Variants in PRDM16 observed in about 807,000 individuals in gnomAD.
PRDM16 encodes histone-lysine N-methyltransferase PRDM16.
In PRDM16, 23 loss-of-function variants were observed where a neutral mutation model predicts 110.6. The observed-to-expected ratio is 0.21, with a 90% CI of 0.15 to 0.29. The LOEUF (loss-of-function observed/expected upper bound fraction) is 0.29. Among genes scored for constraint, PRDM16 ranks in the 10% least tolerant of loss-of-function variants. The probability of loss-of-function intolerance (pLI) is 1.00; values close to 1 mark genes in which losing one functional copy is unlikely to be tolerated. For missense variants in PRDM16, 1,615 were observed against 1,794.3 expected (o/e 0.90, Z 1.81); for synonymous variants, 799 against 781.8 (o/e 1.02, Z -0.37).
chr1:3,072,222 G>C (rs1425818036), intron 1 of PRDM16, among the ~76,000 whole-genome samples: 1 of 152,188 alleles, frequency 6.6e-6, no homozygotes, highest in African/African-American at 2.4e-5. Context: ...AAAGCTTATT[G>C]TTTCCAGGGC....
rs554655161 is a variant in PRDM16 at position 3,244,262 on chromosome 1, G to A, written c.438+125G>A. The stretch of plus-strand genomic sequence containing the variant: ...AGTCGGAATGTTGCTGGCAGGCCCC[G>A]AGCAATGTGTTATCTGTGGACTGAC... On this transcript the variant is annotated intron_variant, in intron 3 of 16. Coordinates refer to ENST00000270722, the MANE Select transcript of PRDM16 (RefSeq NM_022114.4). This position sits in a 1 kb window ranked among gnomAD's most constrained non-coding sequence, Gnocchi z 4.1. The A allele has an allele frequency of 1.6e-5, 14 of 863,904 alleles. 1 individual carries two copies. Among genetic ancestry groups the A allele is most frequent in the Admixed American group, 9.9e-5 (5 of 50,382 alleles). The allele number at this position is 863,904 out of a possible 1,614,324, so 53.5% of individuals were successfully genotyped here.
intron 7 of PRDM16, 118 bp downstream of exon 7, chr1:3,405,004 G>A: frequency 8.7e-7 from 1 of 1,152,070 alleles, no homozygotes; most frequent in Non-Finnish European, 1.2e-6. Flanking sequence ...GGCAGAGTGG[G>A]TAGGAGGCCC....
chr1:3,184,000 C>A (rs200152804), intron 1 of PRDM16, among the ~76,000 whole-genome samples: 41 of 152,272 alleles, frequency 2.7e-4, no homozygotes, highest in Middle Eastern at 3.4e-3. Flanking sequence ...AATTACCACC[C>A]CCCCCAATGT....
In PRDM16 at chr1:3,404,765, C is replaced by T. The variant is rs377547823; in HGVS notation, c.911C>T (p.Thr304Met). The change falls in exon 7 of 17, where the codon ACG (threonine) becomes ATG (methionine). Residue 304 changes from threonine to methionine, a missense_variant. This residue lies in a region of PRDM16 where 416 missense variants were observed against 467.1 expected (regional missense o/e 0.89). Coordinates refer to ENST00000270722, the MANE Select transcript of PRDM16 (RefSeq NM_022114.4). ...YSLEQHMVIH[T>M]EEREYKCDQC... ...CTGGAGCAGCACATGGTCATCCACA[C>T]GGAGGAGCGCGAGTACAAATGCGAC... The T allele has an allele frequency of 1.3e-5, 21 of 1,613,414 alleles. No individual in the cohort carries two copies. The highest frequency in any genetic ancestry group is 1.6e-5 in the Non-Finnish European group (19 of 1,179,974).
At chr1:3,261,369 G>A (rs1640161194) in intron 3 of PRDM16, among the ~76,000 whole-genome samples, 4 of 152,126 alleles carry the variant, frequency 2.6e-5, no homozygotes, top group Admixed American at 2.0e-4. Flanking sequence ...TGTCCTTGGG[G>A]CGAGATGACT....
chr1:3,366,304 T>G (rs1642814564), intron 3 of PRDM16, among the ~76,000 whole-genome samples: 2 of 152,210 alleles, frequency 1.3e-5, no homozygotes. Context: ...GCAGCAGGAC[T>G]CCGGGACGCG....
chr1:3,251,449 TGTGGGAACGAGGGACCAGTCAGGGTG>T (rs1373883117), intron 3 of PRDM16, among the ~76,000 whole-genome samples: 2 of 152,004 alleles, frequency 1.3e-5, no homozygotes, highest in South Asian at 4.1e-4. Context: ...CTTTACTAGG[TGTGGGAACGAGGGACCAGTCAGGGTG>T]GTGGGAACCC....
At chr1:3,186,833 A>G (rs1006755997) in intron 2 of PRDM16, among the ~76,000 whole-genome samples, 26 of 152,080 alleles carry the variant, frequency 1.7e-4, no homozygotes, top group African/African-American at 5.6e-4. Context: ...AGGCAGCTGC[A>G]CTCCAGGGCT....
At position 3,265,792 on chromosome 1, in the gene PRDM16, C is replaced by T. The variant is rs1005503065; in HGVS notation, c.438+21655C>T. On this transcript the variant is annotated intron_variant, in intron 3 of 16. Transcript: ENST00000270722. The surrounding 1 kb of genome is among the most constrained non-coding windows in gnomAD (Gnocchi z 4.5). ...GCTGGCACCTCACGCTCTGTCCTCACCGCCCAGACCCTAGGAGCCCCCAGA... is the reference window on the plus strand; with the variant it reads ...GCTGGCACCTCACGCTCTGTCCTCATCGCCCAGACCCTAGGAGCCCCCAGA... Among the ~76,000 whole-genome samples, 6 of 152,160 alleles carry T rather than the reference C, an allele frequency of 3.9e-5. No individual in the cohort carries two copies. The highest frequency in any genetic ancestry group is 5.9e-5 in the Non-Finnish European group (4 of 68,002).
Position 3,319,926 on chromosome 1 carries a change from C to G in PRDM16, c.439-65226C>G, listed in dbSNP as rs144913631. Among the ~76,000 whole-genome samples the G allele has an allele frequency of 2.0e-5, 3 of 152,338 alleles. No individual in the cohort carries two copies. The East Asian group carries it at 5.8e-4, about 29-fold the overall frequency. On this transcript the variant is annotated intron_variant, in intron 3 of 16. Transcript: ENST00000270722. ...GTTGGGCAAATTGGCCTTCCAGCCTCTGGGGCTCACAGCTGTGTCCCAGGG... is the reference window on the plus strand; with the variant it reads ...GTTGGGCAAATTGGCCTTCCAGCCTGTGGGGCTCACAGCTGTGTCCCAGGG...
At chr1:3,187,984 C>T (rs527443398) in intron 2 of PRDM16, among the ~76,000 whole-genome samples, 8 of 152,122 alleles carry the variant, frequency 5.3e-5, no homozygotes, top group African/African-American at 1.2e-4. Context: ...GGCCCAAGGT[C>T]GGGTCACCTT....
rs753949982 is a variant in PRDM16, at chr1:3,412,728, C to T, written c.2531C>T (p.Pro844Leu). Residue 844 changes from proline (P) to leucine (L), a missense_variant, in exon 9 of 17, where the codon CCG (proline) becomes CTG (leucine). By Grantham distance (98) the Pro-to-Leu change is moderately conservative. This residue lies in a region of PRDM16 where 772 missense variants were observed against 748.3 expected (regional missense o/e 1.03). Transcript: ENST00000270722. ...GAGEGLPQVCPARMPQQPPLH... is the reference protein window; with the variant it reads ...GAGEGLPQVCLARMPQQPPLH... Reference sequence around the variant, plus strand: ...GGCGAGGGGCTGCCCCAGGTGTGCCCGGCGCGGATGCCCCAGCAGCCCCCG... The same window carrying T: ...GGCGAGGGGCTGCCCCAGGTGTGCCTGGCGCGGATGCCCCAGCAGCCCCCG... The T allele has an allele frequency of 3.8e-5, 58 of 1,506,648 alleles. 1 individual carries two copies. The highest frequency in any genetic ancestry group is 9.1e-5 in the South Asian group (7 of 77,272). The allele number at this position is 1,506,648 out of a possible 1,614,324, so 93.3% of individuals were successfully genotyped here.
At chr1:3,238,659 C>A (rs542177164) in intron 2 of PRDM16, among the ~76,000 whole-genome samples, 4 of 152,330 alleles carry the variant, frequency 2.6e-5, no homozygotes, top group African/African-American at 9.6e-5. Context: ...GAGCTGCCAA[C>A]GGGAAGCCGC....
chr1:3,375,865 A>G (rs1176520231), intron 3 of PRDM16, among the ~76,000 whole-genome samples: 1 of 152,246 alleles, frequency 6.6e-6, no homozygotes, highest in Non-Finnish European at 1.5e-5. Context: ...CCCTGCCCAA[A>G]GAATAAAGAA....
intron 3 of PRDM16, among the ~76,000 whole-genome samples, chr1:3,355,829 G>A (rs960554748): frequency 6.6e-6 from 1 of 152,186 alleles, no homozygotes; most frequent in Non-Finnish European, 1.5e-5. Context: ...TGGCTCAGAG[G>A]CCAGTCCTGC....
intron 1 of PRDM16, among the ~76,000 whole-genome samples, chr1:3,150,081 A>G (rs1454144485): frequency 6.6e-6 from 1 of 152,218 alleles, no homozygotes; most frequent in East Asian, 1.9e-4. Context: ...GGACACCAGG[A>G]CAGGGCACAG....
rs1638614977 is a variant in PRDM16, at chr1:3,201,129, G to T, written c.387+14655G>T. Among the ~76,000 whole-genome samples, 1 of 152,104 alleles carries T rather than the reference G, an allele frequency of 6.6e-6. No homozygotes were observed. The highest frequency in any genetic ancestry group is 2.4e-5 in the African/African-American group (1 of 41,428). Reference sequence around the variant, plus strand: ...AAGGACATCAGGACCCCTGAGTTTTGGGAGCATAGACCACGCTGCCTTCTT... The same window carrying T: ...AAGGACATCAGGACCCCTGAGTTTTTGGAGCATAGACCACGCTGCCTTCTT... On this transcript the variant is annotated intron_variant, in intron 2 of 16. Coordinates refer to ENST00000270722, the MANE Select transcript of PRDM16 (RefSeq NM_022114.4). The surrounding 1 kb of genome is among the most constrained non-coding windows in gnomAD (Gnocchi z 4.1).
At chr1:3,429,887 C>T (rs540268032) in intron 14 of PRDM16, among the ~76,000 whole-genome samples, 1 of 152,364 alleles carries the variant, frequency 6.6e-6, no homozygotes, top group East Asian at 1.9e-4. Flanking sequence ...CCGTGAGACG[C>T]TGTCACTTTC....
chr1:3,278,756 C>T (rs1268710863), intron 3 of PRDM16, among the ~76,000 whole-genome samples: 1 of 152,194 alleles, frequency 6.6e-6, no homozygotes, highest in Non-Finnish European at 1.5e-5. Flanking sequence ...TGACTGCTGG[C>T]CTCTCTGGCA....
Sources: gnomAD v4.1 joint callset for allele counts (sites outside exome capture counted in the v4.1 genomes callset) on GRCh38, gnomAD v4.1.1 for gene constraint, gnomAD v4.1.1 regional missense constraint, Gnocchi (gnomAD v3.1) non-coding constraint, MANE v1.5 for transcripts, NCBI Gene and HGNC (gene_info 2026-07-23, HGNC 2026-07-21) for gene names.